DCK: variants seen among roughly 807,000 people sequenced by gnomAD.
The protein encoded by DCK is deoxyadenosine kinase.
A neutral mutation model predicts 38.3 loss-of-function variants in DCK; 23 were observed. The observed-to-expected ratio is 0.60, with a 90% CI of 0.43 to 0.85. The LOEUF is 0.85. DCK is among the 40% of genes least tolerant of loss of function. The probability of loss-of-function intolerance (pLI) is 0.00; values close to 1 mark genes in which losing one functional copy is unlikely to be tolerated. For synonymous variants in DCK, 108 were observed against 100.6 expected (o/e 1.07, Z -0.44); for missense variants, 259 against 304.4 (o/e 0.85, Z 1.11).
Position 71,029,893 on chromosome 4 carries a change from T to G in DCK, c.*515T>G, listed in dbSNP as rs1353580578. 6.5e-6 allele frequency: 1 copy of G among 153,058 alleles called. No homozygotes were observed. The highest frequency in any genetic ancestry group is 2.4e-5 in the African/African-American group (1 of 41,462). 9.5% of individuals were successfully genotyped at this position (153,058 alleles called of 1,614,324 possible). A position where few individuals can be genotyped will look rare whatever the true frequency, so the allele number is the denominator to read the frequency against. On this transcript the variant is annotated 3_prime_UTR_variant, in exon 7 of 7. Coordinates refer to ENST00000286648, the MANE Select transcript of DCK (RefSeq NM_000788.3). ...AGGATTCTGAAGTTTTATTTTAAAT[T>G]ATTATCTTCTTAACAGTTTAGTCCC...
chr4:71,021,210 G>T (rs1236503823), intron 2 of DCK, among the ~76,000 whole-genome samples: 1 of 151,282 alleles, frequency 6.6e-6, no homozygotes, highest in Non-Finnish European at 1.5e-5. Flanking sequence ...CCAGTAGCTG[G>T]GACTACAGGC....
In DCK at chr4:71,029,431, T is replaced by C; in HGVS notation, c.*53T>C. On this transcript the variant is annotated 3_prime_UTR_variant, in exon 7 of 7. Coordinates refer to ENST00000286648, the MANE Select transcript of DCK (RefSeq NM_000788.3). ...TGGTTCCAGATACTTCAGCTTTGTG[T>C]ATCTTCGTAACTTCATATTAATATA... 1.5e-6 allele frequency: 2 copies of C among 1,361,418 alleles called. No homozygotes were observed. Among genetic ancestry groups the C allele is most frequent in the East Asian group, 4.6e-5 (2 of 43,458 alleles). The allele number at this position is 1,361,418 out of a possible 1,614,324, so 84.3% of individuals were successfully genotyped here.
At chr4:71,024,743 GTAAA>G (rs1007307434) in intron 4 of DCK, among the ~76,000 whole-genome samples, 5 of 151,852 alleles carry the variant, frequency 3.3e-5, no homozygotes, top group African/African-American at 9.7e-5. Context: ...TACAAAAATA[GTAAA>G]TAAAAATGTG....
rs1304569579 is a variant in DCK, at chr4:70,998,105, T to C, written c.130T>C (p.Leu44=). The C allele has an allele frequency of 6.2e-7, 1 of 1,607,248 alleles. No individual in the cohort carries two copies. Among genetic ancestry groups the C allele is most frequent in the African/African-American group, 1.3e-5 (1 of 74,738 alleles). Residue 44 remains leucine (L), a synonymous_variant, in exon 2 of 7, where the codon TTG becomes CTG. Transcript: ENST00000286648. The part of the protein sequence containing the change: ...KSTFVNILKQ[L]CEDWEVVPEP... ...AACATTTGTGAATATCCTTAAACAATTGTGTGAAGATTGGGAAGTGGTTCC... is the reference window on the plus strand; with the variant it reads ...AACATTTGTGAATATCCTTAAACAACTGTGTGAAGATTGGGAAGTGGTTCC...
chr4:71,002,274 G>A lies in DCK; in HGVS notation c.207+4092G>A, dbSNP rs569955486. On this transcript the variant is annotated intron_variant, in intron 2 of 6. Coordinates refer to ENST00000286648, the MANE Select transcript of DCK (RefSeq NM_000788.3). ...TGTTCAGTTTCCATGTAGTTGTGCA[G>A]TTTTGAGTGAGTTTCTTAATCCTGA... 9.8e-5 allele frequency among the ~76,000 whole-genome samples: 15 copies of A among 152,318 alleles called. No homozygotes were observed. The East Asian group carries it at 2.9e-3, about 29-fold the overall frequency.
At chr4:71,020,569 A>G (rs1161137235) in intron 2 of DCK, among the ~76,000 whole-genome samples, 1 of 152,202 alleles carries the variant, frequency 6.6e-6, no homozygotes, top group African/African-American at 2.4e-5. Flanking sequence ...CTCATATACC[A>G]CTTTATTACC....
At chr4:71,004,736 C>T (rs1030331083) in intron 2 of DCK, among the ~76,000 whole-genome samples, 6 of 152,206 alleles carry the variant, frequency 3.9e-5, no homozygotes, top group African/African-American at 1.4e-4. Flanking sequence ...GCTTGAACTT[C>T]CAGGTGGTTT....
intron 4 of DCK, 52 bp downstream of exon 4, chr4:71,023,758 A>G (rs752549246): frequency 7.0e-6 from 11 of 1,563,524 alleles, no homozygotes; most frequent in South Asian, 1.2e-5. Context: ...AATATTTAGA[A>G]CTCTTTTCAG....
At chr4:71,026,945 A>G (rs1453712885) in intron 6 of DCK, 190 bp downstream of exon 6, 2 of 356,578 alleles carry the variant, frequency 5.6e-6, no homozygotes, top group Non-Finnish European at 1.0e-5. Context: ...CTGAGCTAAA[A>G]TAAAGATCCT....
At chr4:71,025,404 C>T (rs1457142585) in intron 4 of DCK, among the ~76,000 whole-genome samples, 1 of 151,918 alleles carries the variant, frequency 6.6e-6, no homozygotes, top group Non-Finnish European at 1.5e-5. Context: ...CATTAAGAAC[C>T]ACTGTCTTTA....
At chr4:71,010,880 G>A (rs1017086139) in intron 2 of DCK, among the ~76,000 whole-genome samples, 1 of 151,366 alleles carries the variant, frequency 6.6e-6, no homozygotes, top group African/African-American at 2.4e-5. Flanking sequence ...TGATAAAGAA[G>A]GTGTAAACCA....
At chr4:71,026,140 G>C (rs1740542656) in intron 5 of DCK, among the ~76,000 whole-genome samples, 1 of 151,950 alleles carries the variant, frequency 6.6e-6, no homozygotes, top group African/African-American at 2.4e-5. Context: ...AGTATCCCTT[G>C]GTGGTATTGA....
chr4:71,018,881 AG>A (rs1448268990), intron 2 of DCK, among the ~76,000 whole-genome samples: 1 of 152,074 alleles, frequency 6.6e-6, no homozygotes, highest in Non-Finnish European at 1.5e-5. Flanking sequence ...CATGTTGCCC[AG>A]GCTGGTCTGG....
At chr4:71,025,422 T>A (rs942846743) in intron 4 of DCK, among the ~76,000 whole-genome samples, 1 of 152,100 alleles carries the variant, frequency 6.6e-6, no homozygotes, top group Admixed American at 6.5e-5. Flanking sequence ...TTAGTGGTTT[T>A]ATGTGAACTG....
In DCK at chr4:71,015,587, G is replaced by A. The variant is rs555540173; in HGVS notation, c.208-6780G>A. Among the ~76,000 whole-genome samples, 29 of 152,322 alleles carry A rather than the reference G, an allele frequency of 1.9e-4. 1 individual carries two copies. The highest frequency in any genetic ancestry group is 3.5e-4 in the Non-Finnish European group (24 of 68,032). On this transcript the variant is annotated intron_variant, in intron 2 of 6. Coordinates refer to ENST00000286648, the MANE Select transcript of DCK (RefSeq NM_000788.3). ...GCACATCAAAAAGCTTATCCACCAT[G>A]ATCAATTGTGCTTCATCCCTGGGAT...
At chr4:71,019,782 A>T (rs149951110) in intron 2 of DCK, among the ~76,000 whole-genome samples, 5 of 150,868 alleles carry the variant, frequency 3.3e-5, no homozygotes, top group South Asian at 4.2e-4. Context: ...TATACCTTTT[A>T]TTTTTTTTTA....
At chr4:71,019,863 G>A (rs931043554) in intron 2 of DCK, among the ~76,000 whole-genome samples, 1 of 151,856 alleles carries the variant, frequency 6.6e-6, no homozygotes, top group Non-Finnish European at 1.5e-5. Flanking sequence ...CTCAGCTCAC[G>A]GCAACTTCTG....
rs539189889 is a variant in DCK at position 71,010,361 on chromosome 4, G to GT, written c.208-12001dup. Among the ~76,000 whole-genome samples the GT allele has an allele frequency of 5.0e-4, 75 of 151,268 alleles. 1 individual carries two copies. Among genetic ancestry groups the GT allele is most frequent in the African/African-American group, 1.8e-3 (73 of 41,328 alleles). On this transcript the variant is annotated intron_variant, in intron 2 of 6. Transcript: ENST00000286648. The stretch of plus-strand genomic sequence containing the variant: ...ATTATTAGCAATCTTGGTATGGAAC[G>GT]TTTTTAAAAATAATAATAATGTACT...
At chr4:71,029,190 G>T (rs1286038761) in intron 6 of DCK, among the ~76,000 whole-genome samples, 162 bp from the exon 7 acceptor site, 2 of 152,186 alleles carry the variant, frequency 1.3e-5, no homozygotes, top group African/African-American at 4.8e-5. Flanking sequence ...CGCTGCGCCC[G>T]GCCTTAACAA....
Sources: gnomAD v4.1 joint callset for allele counts (sites outside exome capture counted in the v4.1 genomes callset) on GRCh38, gnomAD v4.1.1 for gene constraint, MANE v1.5 for transcripts, NCBI Gene and HGNC (gene_info 2026-07-23, HGNC 2026-07-21) for gene names.